Variants in CPED1 observed in about 807,000 individuals in gnomAD.
CPED1 encodes the protein cadherin-like and PC-esterase domain-containing protein 1.
A neutral mutation model predicts 128.2 loss-of-function variants in CPED1; 114 were observed. That is an observed-to-expected ratio of 0.89 (90% CI 0.76 to 1.04). The LOEUF is 1.04. CPED1 is among the 50% of genes least tolerant of loss of function. The pLI, the probability that CPED1 is intolerant of heterozygous loss-of-function variation, is 0.00. For synonymous variants in CPED1, 462 were observed against 426.7 expected, an observed-to-expected ratio of 1.08 and a Z score of -1.02; for missense variants, 1,211 against 1,207.1, an observed-to-expected ratio of 1.00 and a Z score of -0.05.
chr7:121,022,319 C>T (rs952071252), intron 3 of CPED1, among the ~76,000 whole-genome samples: 2 of 152,104 alleles, frequency 1.3e-5, no homozygotes, highest in Admixed American at 6.6e-5. Context: ...TCCACTCTTA[C>T]ACCAAAGATA....
chr7:121,109,269 A>G (rs1192566650), intron 7 of CPED1, among the ~76,000 whole-genome samples: 1 of 152,098 alleles, frequency 6.6e-6, no homozygotes, highest in Non-Finnish European at 1.5e-5. Context: ...CTTTTGTTAG[A>G]TCTCTATGGA....
chr7:121,156,064 A>G lies in CPED1; in HGVS notation c.2055+13923A>G, dbSNP rs1796276656. ...TCAGAAAAGACATTTCTCAAGAGAT[A>G]CAAATGGCCAACAAGGATGTGAAAA... On this transcript the variant is annotated intron_variant, in intron 16 of 22. Coordinates refer to ENST00000310396, the MANE Select transcript of CPED1 (RefSeq NM_024913.5). Among the ~76,000 whole-genome samples the G allele has an allele frequency of 2.0e-5, 3 of 152,242 alleles. No homozygotes were observed. In the South Asian group the frequency reaches 6.2e-4, roughly 31 times the overall value.
chr7:121,033,693 T>A (rs1179499690), intron 3 of CPED1, among the ~76,000 whole-genome samples: 1 of 152,212 alleles, frequency 6.6e-6, no homozygotes, highest in Admixed American at 6.5e-5. Context: ...AATGTTATGG[T>A]TGGGTTCAAT....
intron 17 of CPED1, among the ~76,000 whole-genome samples, chr7:121,237,769 T>C (rs969167314): frequency 5.3e-5 from 8 of 152,178 alleles, no homozygotes; most frequent in Non-Finnish European, 1.2e-4. Flanking sequence ...ACACCACAGC[T>C]TGAATGGGAA....
chr7:121,162,777 C>G (rs574066355), intron 16 of CPED1, among the ~76,000 whole-genome samples: 1 of 152,334 alleles, frequency 6.6e-6, no homozygotes, highest in East Asian at 1.9e-4. Flanking sequence ...ACTGCAGGTT[C>G]TCTCAGATGT....
intron 2 of CPED1, among the ~76,000 whole-genome samples, chr7:121,006,648 ATCTTT>A (rs1012015632): frequency 1.3e-4 from 20 of 152,142 alleles, no homozygotes; most frequent in African/African-American, 2.4e-5. Context: ...CGTTCTCTTT[ATCTTT>A]TCAAGTTCTA....
At chr7:121,095,687 C>T (rs1005816106) in intron 5 of CPED1, among the ~76,000 whole-genome samples, 1 of 152,082 alleles carries the variant, frequency 6.6e-6, no homozygotes, top group African/African-American at 2.4e-5. Context: ...TATTGGACCC[C>T]TTCAGTTTCA....
intron 18 of CPED1, among the ~76,000 whole-genome samples, chr7:121,250,234 C>T (rs1414983784): frequency 1.3e-5 from 2 of 151,900 alleles, no homozygotes; most frequent in Non-Finnish European, 2.9e-5. Flanking sequence ...GGGTACATAA[C>T]GAAATGAAGG....
chr7:120,997,973 AAAAT>A (rs1796438922), intron 2 of CPED1, among the ~76,000 whole-genome samples: 4 of 148,898 alleles, frequency 2.7e-5, no homozygotes, highest in South Asian at 2.2e-4. Context: ...AAAATAAAAT[AAAAT>A]AAAAAATAAA....
intron 7 of CPED1, among the ~76,000 whole-genome samples, chr7:121,102,547 G>A (rs1051495225): frequency 9.9e-5 from 15 of 152,112 alleles, no homozygotes; most frequent in East Asian, 9.6e-4. Flanking sequence ...ATCTTCCTCC[G>A]TTATATGTCA....
intron 5 of CPED1, chr7:121,076,698 T>G (rs549349488): frequency 3.9e-5 from 6 of 152,324 alleles, no homozygotes; most frequent in Middle Eastern, 3.4e-3. Flanking sequence ...GTACTTCTTA[T>G]AGATTAGCTC....
Position 121,088,381 on chromosome 7 carries a change from C to T in CPED1, c.617-9318C>T, listed in dbSNP as rs572968871. On this transcript the variant is annotated intron_variant, in intron 5 of 22. Coordinates refer to ENST00000310396, the MANE Select transcript of CPED1 (RefSeq NM_024913.5). ...CCTTACAGAAATAGTCATTTGAGGC[C>T]GGGCGCAGTGGCTCACGCCTGTAAT... 1.3e-3 allele frequency among the ~76,000 whole-genome samples: 193 copies of T among 152,056 alleles called. 1 individual carries two copies. Among genetic ancestry groups the T allele is most frequent in the South Asian group, 7.3e-3 (35 of 4,820 alleles).
At chr7:121,126,923 T>C (rs1421869960) in intron 9 of CPED1, among the ~76,000 whole-genome samples, 167 bp from the exon 10 acceptor site, 1 of 152,070 alleles carries the variant, frequency 6.6e-6, no homozygotes, top group Non-Finnish European at 1.5e-5. Context: ...AATTGTATCT[T>C]TAAAAAAAAT....
At chr7:121,194,018 C>A (rs972777797) in intron 16 of CPED1, among the ~76,000 whole-genome samples, 247 of 71,400 alleles carry the variant, frequency 3.5e-3, no homozygotes, top group Non-Finnish European at 4.6e-3. Flanking sequence ...CTCTCTCTCT[C>A]TCTCTATATA....
chr7:120,996,757 A>G (rs1183650588), intron 2 of CPED1, among the ~76,000 whole-genome samples: 5 of 152,218 alleles, frequency 3.3e-5, no homozygotes, highest in Admixed American at 3.3e-4. Context: ...CTTAGCATCT[A>G]TCTTCACAAT....
At chr7:121,090,205 G>C (rs1401322279) in intron 5 of CPED1, among the ~76,000 whole-genome samples, 1 of 152,200 alleles carries the variant, frequency 6.6e-6, no homozygotes. Context: ...ATTTGATTGA[G>C]TGGTTAGTTG....
chr7:121,023,935 C>T (rs984832439), intron 3 of CPED1, among the ~76,000 whole-genome samples: 3 of 152,062 alleles, frequency 2.0e-5, no homozygotes, highest in South Asian at 2.1e-4. Context: ...GTTTGACATA[C>T]GTTTTTCATT....
intron 5 of CPED1, among the ~76,000 whole-genome samples, chr7:121,075,833 A>G (rs534734472): frequency 7.9e-5 from 12 of 152,270 alleles, no homozygotes; most frequent in African/African-American, 2.9e-4. Context: ...TTTTTAAAAT[A>G]TTACTTGGCT....
chr7:121,203,525 C>G lies in CPED1; in HGVS notation c.2056-33189C>G, dbSNP rs1684205937. 2.0e-5 allele frequency among the ~76,000 whole-genome samples: 3 copies of G among 152,112 alleles called. 1 individual carries two copies. In the South Asian group the frequency reaches 6.2e-4, roughly 32 times the overall value. ...GACAACAGACCACTCTATACCATCT[C>G]AAAGGCCACAGTGGCTCCCTAACTG... On this transcript the variant is annotated intron_variant, in intron 16 of 22. Coordinates refer to ENST00000310396, the MANE Select transcript of CPED1 (RefSeq NM_024913.5).
Sources: gnomAD v4.1 joint callset for allele counts (sites outside exome capture counted in the v4.1 genomes callset) on GRCh38, gnomAD v4.1.1 for gene constraint, MANE v1.5 for transcripts, NCBI Gene and HGNC (gene_info 2026-07-23, HGNC 2026-07-21) for gene names.